PKN2: variants seen among roughly 807,000 people sequenced by gnomAD.
PKN2 encodes serine/threonine-protein kinase N2.
Under a neutral mutation model 119.1 loss-of-function variants are expected in PKN2, and 38 were observed. The ratio of observed to expected loss-of-function variants is 0.32; its 90% CI spans 0.25 to 0.42. The LOEUF is 0.42. Ranked by LOEUF, PKN2 falls within the 10% of genes least tolerant of loss-of-function variation. The probability of loss-of-function intolerance (pLI) is 1.00; values close to 1 mark genes in which losing one functional copy is unlikely to be tolerated. For missense variants in PKN2, 850 were observed against 1,165.1 expected (o/e 0.73, Z 3.94); for synonymous variants, 390 against 384.9 (o/e 1.01, Z -0.15).
chr1:88,770,098 A>G (rs1669821640), intron 3 of PKN2, among the ~76,000 whole-genome samples: 1 of 152,218 alleles, frequency 6.6e-6, no homozygotes, highest in Admixed American at 6.5e-5. Flanking sequence ...AATTTTAAAA[A>G]TACACAGCCA....
In PKN2 at chr1:88,692,828, T is replaced by C. The variant is rs200157480; in HGVS notation, c.48+8200T>C. Among the ~76,000 whole-genome samples, 4 of 152,174 alleles carry C rather than the reference T, an allele frequency of 2.6e-5. No homozygotes were observed. The East Asian group carries it at 7.7e-4, about 29-fold the overall frequency. On this transcript the variant is annotated intron_variant, in intron 1 of 21. Transcript: ENST00000370521. ...TTATGGAGTTGTGTGGGAGGGACAG[T>C]TTTAAATGCCTCTACCTTCTTTGGC...
In PKN2 at chr1:88,820,182, ATATATATATATATATATATATATATAT is replaced by A. The variant is rs1672193979; in HGVS notation, c.2280-1758_2280-1732del. ...ATCAAACAAATCTTTTCAGAAACCT[ATATATATATATATATATATATATATAT>A]ATATATATATATATATATATATATA... On this transcript the variant is annotated intron_variant, in intron 16 of 21. Coordinates refer to ENST00000370521, the MANE Select transcript of PKN2 (RefSeq NM_006256.4). Among the ~76,000 whole-genome samples, 67 of 8,146 alleles carry A rather than the reference ATATATATATATATATATATATATATAT, an allele frequency of 8.2e-3. 2 individuals are homozygous for A. Among genetic ancestry groups the A allele is most frequent in the African/African-American group, 9.5e-3 (64 of 6,750 alleles). The allele number at this position is 8,146 out of a possible 152,430, so 5.3% of individuals were successfully genotyped here.
At chr1:88,703,165 A>G (rs1196818510) in intron 1 of PKN2, among the ~76,000 whole-genome samples, 1 of 152,154 alleles carries the variant, frequency 6.6e-6, no homozygotes, top group Non-Finnish European at 1.5e-5. Context: ...CTAAATAAAT[A>G]TCCTTGCCTA....
intron 8 of PKN2, among the ~76,000 whole-genome samples, chr1:88,800,358 A>G (rs1671255796): frequency 6.6e-6 from 1 of 152,230 alleles, no homozygotes; most frequent in Non-Finnish European, 1.5e-5. Flanking sequence ...ATTACAATTA[A>G]CTAATGGGAC....
chr1:88,788,095 C>A (rs1377577012), intron 8 of PKN2, among the ~76,000 whole-genome samples: 2 of 152,156 alleles, frequency 1.3e-5, no homozygotes, highest in African/African-American at 4.8e-5. Flanking sequence ...CATATGTCAA[C>A]TTTGTCTTCT....
chr1:88,819,774 A>G (rs1051220455), intron 16 of PKN2, among the ~76,000 whole-genome samples: 4 of 152,196 alleles, frequency 2.6e-5, no homozygotes, highest in Non-Finnish European at 5.9e-5. Flanking sequence ...CCCATCAATG[A>G]TAGACTGCAT....
intron 1 of PKN2, among the ~76,000 whole-genome samples, chr1:88,735,906 C>G (rs1668329455): frequency 6.6e-6 from 1 of 152,074 alleles, no homozygotes; most frequent in Non-Finnish European, 1.5e-5. Context: ...GTTATTATCT[C>G]TTTGAATAAG....
intron 16 of PKN2, among the ~76,000 whole-genome samples, chr1:88,816,356 C>T (rs981490661): frequency 1.3e-5 from 2 of 151,986 alleles, no homozygotes; most frequent in African/African-American, 4.8e-5. Context: ...AAGAGATTAT[C>T]CTGCCTCAGC....
At chr1:88,756,293 G>A (rs962972490) in intron 2 of PKN2, among the ~76,000 whole-genome samples, 3 of 152,128 alleles carry the variant, frequency 2.0e-5, no homozygotes, top group African/African-American at 7.2e-5. Context: ...AGTGCTTCCA[G>A]AGATGAGACT....
At chr1:88,804,820 G>T in intron 9 of PKN2, 26 bp from the exon 10 acceptor site, 3 of 1,258,238 alleles carry the variant, frequency 2.4e-6, no homozygotes, top group Non-Finnish European at 3.4e-6. Flanking sequence ...CTATTTTCAT[G>T]TCAACTTGAA....
intron 2 of PKN2, among the ~76,000 whole-genome samples, chr1:88,757,346 T>A (rs1465283044): frequency 1.3e-5 from 2 of 152,222 alleles, no homozygotes; most frequent in Non-Finnish European, 2.9e-5. Flanking sequence ...CTATTTATTT[T>A]AGAAACAGTG....
intron 1 of PKN2, among the ~76,000 whole-genome samples, chr1:88,731,452 C>T (rs1208022432): frequency 1.3e-5 from 2 of 152,084 alleles, no homozygotes; most frequent in Admixed American, 1.3e-4. Flanking sequence ...TTCAGAGGGC[C>T]CCTGGAAGAA....
At chr1:88,718,785 T>G (rs1667555394) in intron 1 of PKN2, among the ~76,000 whole-genome samples, 1 of 152,216 alleles carries the variant, frequency 6.6e-6, no homozygotes, top group South Asian at 2.1e-4. Context: ...CAGTATTTAC[T>G]TTTGGATAGC....
chr1:88,758,872 G>A (rs1001527979), intron 2 of PKN2, among the ~76,000 whole-genome samples: 2 of 152,160 alleles, frequency 1.3e-5, no homozygotes, highest in Admixed American at 1.3e-4. Context: ...CTTTATGACA[G>A]AACGATTTAT....
intron 1 of PKN2, among the ~76,000 whole-genome samples, chr1:88,733,290 A>G (rs1455019864): frequency 1.3e-5 from 2 of 152,196 alleles, no homozygotes; most frequent in African/African-American, 2.4e-5. Context: ...TAATGGCTAT[A>G]CATTCCCACC....
chr1:88,706,268 A>C (rs1666999479), intron 1 of PKN2, among the ~76,000 whole-genome samples: 1 of 152,120 alleles, frequency 6.6e-6, no homozygotes, highest in Non-Finnish European at 1.5e-5. Context: ...TGGTATTTTA[A>C]AAATTTCTTT....
chr1:88,717,163 A>T (rs9729089), intron 1 of PKN2, among the ~76,000 whole-genome samples: 2 of 151,976 alleles, frequency 1.3e-5, no homozygotes, highest in African/African-American at 4.8e-5. Context: ...CCAAGAGATC[A>T]GCTGTTAGTC....
intron 16 of PKN2, among the ~76,000 whole-genome samples, chr1:88,820,212 A>G (rs951532196): frequency 1.7e-5 from 2 of 114,728 alleles, no homozygotes; most frequent in Non-Finnish European, 3.3e-5. Context: ...ATATATATAT[A>G]TATATATATA....
chr1:88,684,454 T>G lies in PKN2; in HGVS notation c.-127T>G, dbSNP rs534985918. On this transcript the variant is annotated 5_prime_UTR_variant, in exon 1 of 22. It removes an upstream start codon present in the reference 5' UTR. Coordinates refer to ENST00000370521, the MANE Select transcript of PKN2 (RefSeq NM_006256.4). ...GCCTCCAGCAGGGGCTGCGCCTCCA[T>G]GAATCCCTAGTTGTTTTTTTTTTTT... The G allele has an allele frequency of 1.8e-4, 143 of 812,018 alleles. 3 individuals are homozygous for G. Among genetic ancestry groups the G allele is most frequent in the South Asian group, 1.7e-3 (98 of 56,172 alleles). 50.3% of individuals were successfully genotyped at this position (812,018 alleles called of 1,614,324 possible).
Sources: allele counts gnomAD v4.1 joint callset (sites outside exome capture counted in the v4.1 genomes callset), GRCh38; gene constraint gnomAD v4.1.1; transcripts MANE v1.5; gene names NCBI Gene and HGNC (gene_info 2026-07-23, HGNC 2026-07-21).